Variants in NIN observed in about 807,000 individuals in gnomAD.
The protein encoded by NIN is glycogen synthase kinase 3 beta-interacting protein.
In NIN, 137 loss-of-function variants were observed where a neutral mutation model predicts 257.6. The ratio of observed to expected loss-of-function variants is 0.53; its 90% confidence interval spans 0.46 to 0.61. The LOEUF is 0.61. NIN is among the 20% of genes least tolerant of loss of function. The pLI, the probability that NIN is intolerant of heterozygous loss-of-function variation, is 0.00. For synonymous variants in NIN, 918 were observed against 919.8 expected, an observed-to-expected ratio of 1.00 and a Z score of 0.04; for missense variants, 2,439 against 2,501.2, an observed-to-expected ratio of 0.98 and a Z score of 0.53.
chr14:50,795,854 C>T (rs1044469988), intron 4 of NIN, among the ~76,000 whole-genome samples: 1 of 152,168 alleles, frequency 6.6e-6, no homozygotes, highest in Non-Finnish European at 1.5e-5. Context: ...CGGCTCGTGA[C>T]TGTAGTCCCA....
At position 50,752,508 on chromosome 14, in the gene NIN, C is replaced by A. The variant is rs1448429871; in HGVS notation, c.4950+10G>T. 1 of 1,595,522 alleles carries A rather than the reference C, an allele frequency of 6.3e-7. No individual in the cohort carries two copies. Among genetic ancestry groups the A allele is most frequent in the Non-Finnish European group, 8.5e-7 (1 of 1,170,516 alleles). Reference sequence around the variant, plus strand: ...CTCAAAAAAAGCTGTCAGGTGGCTACAGGCCATACCTGCACTTTACAACGT... The same window carrying A: ...CTCAAAAAAAGCTGTCAGGTGGCTAAAGGCCATACCTGCACTTTACAACGT... On this transcript the variant is annotated intron_variant, in intron 21 of 30. Transcript: ENST00000530997.
At position 50,822,228 on chromosome 14, in the gene NIN, C is replaced by T. The variant is rs370690001; in HGVS notation, c.-21-151G>A. 1.5e-3 allele frequency among the ~76,000 whole-genome samples: 233 copies of T among 152,324 alleles called. 2 individuals are homozygous for T. The highest frequency in any genetic ancestry group is 5.4e-3 in the African/African-American group (225 of 41,566). On this transcript the variant is annotated intron_variant, in intron 2 of 30. Coordinates refer to ENST00000530997, the MANE Select transcript of NIN (RefSeq NM_020921.4). ...TTCTGATGCACCCCACAGCAAGACC[C>T]CCAGTCTCTGTAGGACCAGCCCTGG...
chr14:50,731,528 C>CA lies in NIN; in HGVS notation c.5878-1806dup, dbSNP rs34408175. Among the ~76,000 whole-genome samples, 163 of 96,034 alleles carry CA rather than the reference C, an allele frequency of 1.7e-3. 1 individual carries two copies. Among genetic ancestry groups the CA allele is most frequent in the Middle Eastern group, 0.011 (2 of 184 alleles). 63.0% of individuals were successfully genotyped at this position (96,034 alleles called of 152,430 possible). ...CCTGGGTGACAGTGAGACTCCATCT[C>CA]AAAAAAAAAAAAAAAAAAAAAATTA... On this transcript the variant is annotated intron_variant, in intron 28 of 30. Coordinates refer to ENST00000530997, the MANE Select transcript of NIN (RefSeq NM_020921.4).
rs1293109215 is a variant in NIN, at chr14:50,720,227, A to T, written c.*3236T>A. On this transcript the variant is annotated 3_prime_UTR_variant, in exon 31 of 31. Transcript: ENST00000530997. ...TTTTTGGCATTACTTGTATAATTAT[A>T]TCATTCCAATGAGTCACTACAGGTA... 2 of 222,522 alleles carry T rather than the reference A, an allele frequency of 9.0e-6. No homozygotes were observed. The highest frequency in any genetic ancestry group is 4.5e-5 in the African/African-American group (2 of 44,742). The allele number at this position is 222,522 out of a possible 1,614,324, so 13.8% of individuals were successfully genotyped here.
chr14:50,823,318 C>T (rs1207815713), intron 2 of NIN: 1 of 558,606 alleles, frequency 1.8e-6, no homozygotes, highest in Admixed American at 2.0e-5. Context: ...CAACAAGGCT[C>T]TCAGAACCAG....
At chr14:50,766,282 T>C in intron 14 of NIN, 25 bp downstream of exon 14, 1 of 1,585,564 alleles carries the variant, frequency 6.3e-7, no homozygotes, top group Non-Finnish European at 8.7e-7. Context: ...CTCCTGCACT[T>C]ACTCAGTTCT....
At chr14:50,755,648 CTTTT>C (rs71118900) in intron 18 of NIN, among the ~76,000 whole-genome samples, 9 of 80,014 alleles carry the variant, frequency 1.1e-4, no homozygotes, top group African/African-American at 1.9e-4. Context: ...TGTTTTGTCT[CTTTT>C]TTTTTTTTTT....
intron 2 of NIN, among the ~76,000 whole-genome samples, chr14:50,828,758 C>T (rs1245202853): frequency 1.3e-5 from 2 of 152,136 alleles, no homozygotes; most frequent in African/African-American, 4.8e-5. Context: ...TTTATTTGAA[C>T]ATTTGACTCA....
chr14:50,720,225 A>C lies in NIN; in HGVS notation c.*3238T>G, dbSNP rs1206986475. 4.5e-6 allele frequency: 1 copy of C among 222,570 alleles called. No homozygotes were observed. The highest frequency in any genetic ancestry group is 6.6e-5 in the East Asian group (1 of 15,240). The allele number at this position is 222,570 out of a possible 1,614,324, so 13.8% of individuals were successfully genotyped here. A position where few individuals can be genotyped will look rare whatever the true frequency, so the allele number is the denominator to read the frequency against. On this transcript the variant is annotated 3_prime_UTR_variant, in exon 31 of 31. Coordinates refer to ENST00000530997, the MANE Select transcript of NIN (RefSeq NM_020921.4). ...GGTTTTTGGCATTACTTGTATAATT[A>C]TATCATTCCAATGAGTCACTACAGG...
chr14:50,797,079 T>C (rs1485880339), intron 4 of NIN, among the ~76,000 whole-genome samples: 1 of 152,240 alleles, frequency 6.6e-6, no homozygotes, highest in Non-Finnish European at 1.5e-5. Context: ...CCATAGCTGC[T>C]TCCTGGAAGT....
intron 20 of NIN, among the ~76,000 whole-genome samples, chr14:50,754,352 G>T (rs113469375): frequency 0.015 from 2,273 of 152,148 alleles, 61 homozygotes; most frequent in African/African-American, 0.052. Context: ...AGCACTTAGG[G>T]CCTAGAATAA....
intron 4 of NIN, among the ~76,000 whole-genome samples, chr14:50,798,473 C>CT (rs781375143): frequency 1.8e-4 from 27 of 152,212 alleles, no homozygotes; most frequent in Non-Finnish European, 1.6e-4. Flanking sequence ...CCAGGGCTGA[C>CT]TGGATGGTCT....
In NIN at chr14:50,741,627, T is replaced by C. The variant is rs769911450; in HGVS notation, c.5403A>G (p.Gln1801=). The change falls in exon 25 of 31, where the codon CAA becomes CAG. Residue 1801 remains glutamine (Q), a synonymous_variant. Transcript: ENST00000530997. The part of the protein sequence containing the change: ...VTQQEKEALK[Q]EVMSLHKQLQ... ...GTTGCTTATGTAAAGACATCACTTCTTGTTTTAAAGCCTCCTTTTCCTGCT... is the reference window on the plus strand; with the variant it reads ...GTTGCTTATGTAAAGACATCACTTCCTGTTTTAAAGCCTCCTTTTCCTGCT... 16 of 1,614,054 alleles carry C rather than the reference T, an allele frequency of 9.9e-6. No homozygotes were observed. The highest frequency in any genetic ancestry group is 1.0e-5 in the Non-Finnish European group (12 of 1,180,026).
At chr14:50,729,978 G>A (rs2040608537) in intron 28 of NIN, among the ~76,000 whole-genome samples, 1 of 152,228 alleles carries the variant, frequency 6.6e-6, no homozygotes, top group South Asian at 2.1e-4. Flanking sequence ...CAACTCTGGA[G>A]TGATATTAAG....
Position 50,804,731 on chromosome 14 carries a change from A to G in NIN, c.265+2006T>C, listed in dbSNP as rs1168897448. ...CAATCTTTTGGCTTCCCTTGGCTAC[A>G]CTGGAAGAATTGTCTTGGGCCACAC... On this transcript the variant is annotated intron_variant, in intron 4 of 30. Transcript: ENST00000530997. 9.2e-5 allele frequency among the ~76,000 whole-genome samples: 14 copies of G among 152,174 alleles called. No individual in the cohort carries two copies. In the South Asian group the frequency reaches 2.7e-3, roughly 29 times the overall value.
At chr14:50,792,656 C>A in intron 5 of NIN, 56 bp downstream of exon 5, 1 of 1,598,936 alleles carries the variant, frequency 6.3e-7, no homozygotes, top group Non-Finnish European at 8.6e-7. Context: ...CTGTGCTGCA[C>A]TGACGTGGGG....
chr14:50,757,843 T>C lies in NIN; in HGVS notation c.3187A>G (p.Asn1063Asp), dbSNP rs1455627112. Residue 1063 changes from asparagine (N) to aspartate (D), a missense_variant, in exon 18 of 31, where the codon AAT (asparagine) becomes GAT (aspartate). Coordinates refer to ENST00000530997, the MANE Select transcript of NIN (RefSeq NM_020921.4). Reference protein sequence around the residue: ...LQQGEQLLEENGDVLLSLQRA... With the variant: ...LQQGEQLLEEDGDVLLSLQRA... Reference sequence around the variant, plus strand: ...TGCAGGCTTAAGAGGACGTCCCCATTTTCTTCCAACAGCTGCTCCCCTTGC... The same window carrying C: ...TGCAGGCTTAAGAGGACGTCCCCATCTTCTTCCAACAGCTGCTCCCCTTGC... The C allele has an allele frequency of 1.2e-6, 2 of 1,614,088 alleles. No homozygotes were observed. Among genetic ancestry groups the C allele is most frequent in the East Asian group, 4.5e-5 (2 of 44,882 alleles).
chr14:50,744,776 T>C (rs2041459027), intron 22 of NIN, among the ~76,000 whole-genome samples: 1 of 152,036 alleles, frequency 6.6e-6, no homozygotes, highest in African/African-American at 2.4e-5. Flanking sequence ...CTGTCTCTAT[T>C]AAAAATAATT....
rs756825746 is a variant in NIN, at chr14:50,760,045, G to A, written c.2211C>T (p.Ser737=). 1.2e-6 allele frequency: 2 copies of A among 1,614,146 alleles called. No individual in the cohort carries two copies. Among genetic ancestry groups the A allele is most frequent in the East Asian group, 2.2e-5 (1 of 44,890 alleles). The stretch of plus-strand genomic sequence containing the variant: ...GAAGGCCTTCCCTCTCCCGCTCAAA[G>A]CTTGCTTGAGCCTGTGTCAGTCTAG... ...LKARLTQAQA[S]FEREREGLQS... Residue 737 remains serine, a synonymous_variant, in exon 17 of 31, where the codon AGC becomes AGT. Coordinates refer to ENST00000530997, the MANE Select transcript of NIN (RefSeq NM_020921.4).
Sources: gnomAD v4.1 joint callset for allele counts (sites outside exome capture counted in the v4.1 genomes callset) on GRCh38, gnomAD v4.1.1 for gene constraint, MANE v1.5 for transcripts, NCBI Gene and HGNC (gene_info 2026-07-23, HGNC 2026-07-21) for gene names.